Variants in INPP4B observed in about 807,000 individuals in gnomAD.
INPP4B encodes inositol polyphosphate-4-phosphatase type II B.
Under a neutral mutation model 122.5 loss-of-function variants are expected in INPP4B, and 55 were observed. That is an observed-to-expected ratio of 0.45 (90% CI 0.36 to 0.56). The LOEUF is 0.56. INPP4B is among the 20% of genes least tolerant of loss of function. The pLI, the probability that INPP4B is intolerant of heterozygous loss-of-function variation, is 0.00. For synonymous variants in INPP4B, 403 were observed against 388.7 expected, an observed-to-expected ratio of 1.04 and a Z score of -0.43; for missense variants, 1,000 against 1,097.7, an observed-to-expected ratio of 0.91 and a Z score of 1.26.
chr4:142,395,795 T>G (rs1348381355), intron 7 of INPP4B, among the ~76,000 whole-genome samples: 1 of 152,164 alleles, frequency 6.6e-6, no homozygotes, highest in Admixed American at 6.5e-5. Context: ...AATGAGCTAG[T>G]CACAGAAGGA....
intron 1 of INPP4B, among the ~76,000 whole-genome samples, chr4:142,843,008 C>T (rs1304374370): frequency 6.8e-6 from 1 of 146,166 alleles, no homozygotes; most frequent in East Asian, 2.0e-4. Context: ...TTAAATGTTT[C>T]TTTTAATCTA....
chr4:142,107,144 A>G (rs1460436258), intron 23 of INPP4B, among the ~76,000 whole-genome samples: 1 of 152,170 alleles, frequency 6.6e-6, no homozygotes, highest in East Asian at 1.9e-4. Context: ...CATAATATAA[A>G]ATCTGCAAGT....
At chr4:142,168,660 G>T (rs2152932742) in intron 16 of INPP4B, among the ~76,000 whole-genome samples, 1 of 151,694 alleles carries the variant, frequency 6.6e-6, no homozygotes, top group African/African-American at 2.4e-5. Context: ...GGGCCTGTGT[G>T]ACCACCAGGA....
chr4:142,046,866 C>A (rs181377109), intron 25 of INPP4B, among the ~76,000 whole-genome samples: 1 of 151,944 alleles, frequency 6.6e-6, no homozygotes, highest in African/African-American at 2.4e-5. Flanking sequence ...AGGAAATGAA[C>A]GAGACACCAT....
intron 1 of INPP4B, among the ~76,000 whole-genome samples, chr4:142,825,238 T>C (rs559324625): frequency 6.6e-6 from 1 of 152,148 alleles, no homozygotes; most frequent in Non-Finnish European, 1.5e-5. Context: ...ACAATTACTA[T>C]AATGTAAGTA....
At position 142,037,164 on chromosome 4, in the gene INPP4B, GATCT is replaced by G. The variant is rs1381881960; in HGVS notation, c.2643-8254_2643-8251del. On this transcript the variant is annotated intron_variant, in intron 25 of 25. Coordinates refer to ENST00000262992, the MANE Select transcript of INPP4B (RefSeq NM_001101669.3). ...TTGTTAAATCTGCAGGATAGAAAAT[GATCT>G]TTTTTATTTATTTATTTAAGACCCG... 3.9e-5 allele frequency among the ~76,000 whole-genome samples: 6 copies of G among 152,244 alleles called. No homozygotes were observed. In the East Asian group the frequency reaches 9.7e-4, roughly 25 times the overall value.
At chr4:142,590,292 G>A (rs1007332992) in intron 2 of INPP4B, among the ~76,000 whole-genome samples, 4 of 152,116 alleles carry the variant, frequency 2.6e-5, no homozygotes, top group African/African-American at 7.2e-5. Context: ...TTAGGAGATC[G>A]GGGGAATCCC....
intron 3 of INPP4B, among the ~76,000 whole-genome samples, chr4:142,459,910 G>GA (rs994491442): frequency 2.0e-5 from 3 of 152,152 alleles, no homozygotes; most frequent in African/African-American, 2.4e-5. Context: ...ACATCTACAA[G>GA]AAAAAAATAC....
chr4:142,744,035 C>A (rs1254613064), intron 1 of INPP4B, among the ~76,000 whole-genome samples: 1 of 151,588 alleles, frequency 6.6e-6, no homozygotes, highest in African/African-American at 2.4e-5. Context: ...TAAACATATT[C>A]AAAAAACCAA....
At chr4:142,146,910 A>G (rs1238815477) in intron 17 of INPP4B, among the ~76,000 whole-genome samples, 1 of 152,140 alleles carries the variant, frequency 6.6e-6, no homozygotes, top group East Asian at 1.9e-4. Context: ...ATTAGTAGCC[A>G]TTTTTGCTTA....
At chr4:142,348,866 T>G (rs1781112651) in intron 7 of INPP4B, among the ~76,000 whole-genome samples, 1 of 151,884 alleles carries the variant, frequency 6.6e-6, no homozygotes, top group Admixed American at 6.6e-5. Context: ...GAGGGAAAAG[T>G]GATTTCAGGC....
chr4:142,733,879 G>A (rs1646635809), intron 1 of INPP4B, among the ~76,000 whole-genome samples: 2 of 152,096 alleles, frequency 1.3e-5, no homozygotes, highest in South Asian at 4.1e-4. Flanking sequence ...AATAAATTAA[G>A]ATATATTCAT....
At chr4:142,749,801 T>C (rs1219942689) in intron 1 of INPP4B, among the ~76,000 whole-genome samples, 3 of 152,000 alleles carry the variant, frequency 2.0e-5, no homozygotes, top group African/African-American at 7.2e-5. Flanking sequence ...AAGTGAAAAT[T>C]ACTGAAACTA....
rs3113517 is a variant in INPP4B at position 142,303,735 on chromosome 4, G to A, written c.503+1723C>T. Among the ~76,000 whole-genome samples the A allele has an allele frequency of 5.7e-3, 870 of 152,130 alleles. 8 individuals are homozygous for A. Among genetic ancestry groups the A allele is most frequent in the Middle Eastern group, 0.017 (5 of 294 alleles). ...TTTTTTCTAGAAAAGTCAATTCTTC[G>A]TTGTTGAATTTGTTTTATATAATCA... is the stretch of plus-strand genomic sequence containing the variant. On this transcript the variant is annotated intron_variant, in intron 9 of 25. Transcript: ENST00000262992.
At chr4:142,176,118 T>TCTATTA (rs1828065582) in intron 15 of INPP4B, among the ~76,000 whole-genome samples, 3 of 137,620 alleles carry the variant, frequency 2.2e-5, no homozygotes, top group African/African-American at 8.0e-5. Context: ...ACTGCTTTCT[T>TCTATTA]TTATTATTAT....
rs189658105 is a variant in INPP4B, at chr4:142,384,708, T to C, written c.372+18230A>G. Among the ~76,000 whole-genome samples, 9 of 152,286 alleles carry C rather than the reference T, an allele frequency of 5.9e-5. No homozygotes were observed. The East Asian group carries it at 1.7e-3, about 29-fold the overall frequency. ...TTTTTATTTTATTTAACTTTTAAGT[T>C]CAGGGGATACATGTGCAGGTTTTAG... On this transcript the variant is annotated intron_variant, in intron 7 of 25. Coordinates refer to ENST00000262992, the MANE Select transcript of INPP4B (RefSeq NM_001101669.3).
intron 12 of INPP4B, among the ~76,000 whole-genome samples, chr4:142,229,994 A>C (rs1204741920): frequency 6.6e-6 from 1 of 152,194 alleles, no homozygotes; most frequent in Non-Finnish European, 1.5e-5. Flanking sequence ...TTAAACTAGA[A>C]GAAACCAAGG....
intron 7 of INPP4B, among the ~76,000 whole-genome samples, chr4:142,397,654 C>A (rs902718887): frequency 6.6e-6 from 1 of 151,636 alleles, no homozygotes; most frequent in African/African-American, 2.4e-5. Context: ...CTGGCCAACA[C>A]GGTGAAACCC....
At chr4:142,107,690 T>C (rs895866610) in intron 23 of INPP4B, among the ~76,000 whole-genome samples, 1 of 152,192 alleles carries the variant, frequency 6.6e-6, no homozygotes, top group Non-Finnish European at 1.5e-5. Context: ...TTATATCTGA[T>C]GTTCTCCTGC....
Sources: gnomAD v4.1 joint callset for allele counts (sites outside exome capture counted in the v4.1 genomes callset) on GRCh38, gnomAD v4.1.1 for gene constraint, MANE v1.5 for transcripts, NCBI Gene and HGNC (gene_info 2026-07-23, HGNC 2026-07-21) for gene names.